Variants in AK9 observed in about 807,000 individuals in gnomAD.
AK9 encodes adenylate kinase 9.
In AK9, 191 loss-of-function variants were observed where a neutral mutation model predicts 239.6. That is an observed-to-expected ratio of 0.80 (90% CI 0.71 to 0.90). The LOEUF is 0.90. Among genes scored for constraint, AK9 ranks in the 40% least tolerant of loss-of-function variants. The pLI is 0.00. For missense variants in AK9, 1,995 were observed against 2,214.7 expected, an observed-to-expected ratio of 0.90 and a Z score of 1.99; for synonymous variants, 689 against 721.0, an observed-to-expected ratio of 0.96 and a Z score of 0.71.
At chr6:109,671,806 G>A (rs970105816) in intron 5 of AK9, 113 bp downstream of exon 5, 1 of 800,660 alleles carries the variant, frequency 1.2e-6, no homozygotes, top group Non-Finnish European at 2.0e-6. Context: ...GAGATAATGA[G>A]ATTCTTATGC....
intron 32 of AK9, among the ~76,000 whole-genome samples, chr6:109,512,402 GC>G (rs1423767506): frequency 2.0e-5 from 3 of 152,178 alleles, no homozygotes; most frequent in African/African-American, 7.2e-5. Context: ...CTATGGAGTA[GC>G]CATTCCTTCA....
At chr6:109,687,779 C>T (rs912136818) in intron 1 of AK9, among the ~76,000 whole-genome samples, 1 of 152,208 alleles carries the variant, frequency 6.6e-6, no homozygotes, top group African/African-American at 2.4e-5. Flanking sequence ...GCCATGGAAA[C>T]CGTGCGATCA....
At chr6:109,551,443 C>T (rs1363369273) in intron 24 of AK9, among the ~76,000 whole-genome samples, 3 of 149,964 alleles carry the variant, frequency 2.0e-5, no homozygotes, top group Non-Finnish European at 3.0e-5. Context: ...CACTTGAGTC[C>T]GAGAGGTGGA....
chr6:109,616,726 T>C (rs1048351501), intron 13 of AK9, among the ~76,000 whole-genome samples: 3 of 152,118 alleles, frequency 2.0e-5, no homozygotes, highest in Non-Finnish European at 4.4e-5. Flanking sequence ...CTTAATAACC[T>C]GATGGAGAAA....
intron 18 of AK9, among the ~76,000 whole-genome samples, chr6:109,585,581 G>A (rs1161265806): frequency 6.6e-6 from 1 of 152,064 alleles, no homozygotes; most frequent in Non-Finnish European, 1.5e-5. Flanking sequence ...TTTCCTACTT[G>A]AGGTGAAGAA....
chr6:109,663,020 G>C (rs1800635458), intron 5 of AK9, among the ~76,000 whole-genome samples: 1 of 151,858 alleles, frequency 6.6e-6, no homozygotes, highest in African/African-American at 2.4e-5. Context: ...TATTATAGGG[G>C]TTGCATGCCA....
intron 17 of AK9, among the ~76,000 whole-genome samples, chr6:109,587,671 A>G (rs961307806): frequency 2.0e-5 from 3 of 152,212 alleles, no homozygotes; most frequent in Non-Finnish European, 4.4e-5. Context: ...ATGTTACTGC[A>G]AAAGACATGA....
intron 39 of AK9, 99 bp from the exon 40 acceptor site, chr6:109,494,194 A>G (rs1023999268): frequency 1.3e-5 from 10 of 792,536 alleles, no homozygotes; most frequent in East Asian, 1.1e-4. Flanking sequence ...CTTTGCCTCA[A>G]ATAGCCCCCT....
At chr6:109,516,178 A>G (rs1189524054) in intron 30 of AK9, 103 bp from the exon 31 acceptor site, 8 of 1,062,950 alleles carry the variant, frequency 7.5e-6, no homozygotes, top group Admixed American at 2.7e-5. Context: ...ACTTCAGTCC[A>G]GAACACAAAT....
chr6:109,626,483 T>C (rs1457011858), intron 12 of AK9, among the ~76,000 whole-genome samples: 1 of 152,212 alleles, frequency 6.6e-6, no homozygotes, highest in Non-Finnish European at 1.5e-5. Flanking sequence ...GGCAGTTCAG[T>C]TACAGTCATG....
intron 10 of AK9, among the ~76,000 whole-genome samples, chr6:109,636,212 A>G (rs1188414799): frequency 1.3e-5 from 2 of 151,990 alleles, no homozygotes; most frequent in East Asian, 3.9e-4. Flanking sequence ...ATCTACCTGC[A>G]CAGCCCCTCC....
intron 17 of AK9, among the ~76,000 whole-genome samples, chr6:109,603,498 C>G (rs1232740746): frequency 1.3e-5 from 2 of 152,096 alleles, no homozygotes; most frequent in African/African-American, 4.8e-5. Context: ...GGGTGCCTCC[C>G]AGTTAGGCTA....
chr6:109,598,681 G>T (rs1235437291), intron 17 of AK9, among the ~76,000 whole-genome samples: 1 of 152,164 alleles, frequency 6.6e-6, no homozygotes, highest in East Asian at 1.9e-4. Flanking sequence ...CTAGTTTACA[G>T]TCCCACCAAC....
chr6:109,532,270 T>C (rs1024412531), intron 28 of AK9, among the ~76,000 whole-genome samples: 1 of 152,210 alleles, frequency 6.6e-6, no homozygotes, highest in Admixed American at 6.5e-5. Context: ...TTGCTAAGAA[T>C]GAAATATACT....
At chr6:109,561,688 T>C (rs1333361566) in intron 24 of AK9, among the ~76,000 whole-genome samples, 1 of 152,214 alleles carries the variant, frequency 6.6e-6, no homozygotes, top group Non-Finnish European at 1.5e-5. Flanking sequence ...ATGAGAAATA[T>C]GCTGTTATCC....
At chr6:109,516,213 A>G in intron 30 of AK9, 138 bp from the exon 31 acceptor site, 1 of 929,822 alleles carries the variant, frequency 1.1e-6, no homozygotes, top group South Asian at 1.8e-5. Context: ...AAGTGGCTGC[A>G]TGTTGGTGAC....
At chr6:109,665,538 C>A (rs560013427) in intron 5 of AK9, among the ~76,000 whole-genome samples, 4 of 152,308 alleles carry the variant, frequency 2.6e-5, no homozygotes, top group Non-Finnish European at 1.5e-5. Flanking sequence ...TCTTGTGAGT[C>A]TAGCTTCCAC....
Position 109,648,748 on chromosome 6 carries a change from A to G in AK9, c.760-4060T>C, listed in dbSNP as rs192825372. Among the ~76,000 whole-genome samples, 719 of 152,360 alleles carry G rather than the reference A, an allele frequency of 4.7e-3. 6 individuals carry two copies. Among genetic ancestry groups the G allele is most frequent in the South Asian group, 0.014 (68 of 4,830 alleles). The stretch of plus-strand genomic sequence containing the variant: ...CCTCCCTAATTCATTTTATGAGGTC[A>G]GCATCATCCTGATACCAAAGACTGG... On this transcript the variant is annotated intron_variant, in intron 8 of 40. Transcript: ENST00000424296.
chr6:109,559,471 A>G (rs1281436713), intron 24 of AK9, among the ~76,000 whole-genome samples: 2 of 152,152 alleles, frequency 1.3e-5, no homozygotes, highest in East Asian at 1.9e-4. Context: ...CCGGCCTGGT[A>G]TATCTATCTG....
Sources: gnomAD v4.1 joint callset for allele counts (sites outside exome capture counted in the v4.1 genomes callset) on GRCh38, gnomAD v4.1.1 for gene constraint, MANE v1.5 for transcripts, NCBI Gene and HGNC (gene_info 2026-07-23, HGNC 2026-07-21) for gene names.